CTNNA3: variants seen among roughly 807,000 people sequenced by gnomAD.
CTNNA3 encodes the protein catenin alpha-3.
CTNNA3 carries 76 observed loss-of-function variants against 95.7 expected under a neutral mutation model. That is an observed-to-expected ratio of 0.79 (90% CI 0.66 to 0.96). CTNNA3 has a LOEUF of 0.96. Among genes scored for constraint, CTNNA3 ranks in the 40% least tolerant of loss-of-function variants. The probability of loss-of-function intolerance (pLI) is 0.00; values close to 1 mark genes in which losing one functional copy is unlikely to be tolerated. For synonymous variants in CTNNA3, 431 were observed against 374.4 expected (o/e 1.15, Z -1.74); for missense variants, 1,191 against 1,089.8 (o/e 1.09, Z -1.31).
chr10:66,676,589 CCT>C (rs1846864615), intron 9 of CTNNA3, among the ~76,000 whole-genome samples: 1 of 152,000 alleles, frequency 6.6e-6, no homozygotes, highest in African/African-American at 2.4e-5. Flanking sequence ...TCATAGCCTG[CCT>C]CTCTCTCTTT....
intron 11 of CTNNA3, among the ~76,000 whole-genome samples, chr10:66,389,595 T>C (rs1172620585): frequency 6.6e-6 from 1 of 150,510 alleles, no homozygotes; most frequent in Non-Finnish European, 1.5e-5. Context: ...AGATACTTTG[T>C]TTGGTGCAAG....
chr10:67,653,399 T>G (rs1246719707), intron 1 of CTNNA3, among the ~76,000 whole-genome samples: 1 of 152,160 alleles, frequency 6.6e-6, no homozygotes, highest in East Asian at 1.9e-4. Context: ...CATATGTCCC[T>G]CTTCTCATCT....
chr10:67,343,282 T>A (rs1050542238), intron 5 of CTNNA3, among the ~76,000 whole-genome samples: 1 of 152,182 alleles, frequency 6.6e-6, no homozygotes, highest in Admixed American at 6.5e-5. Context: ...TTTTTCTATT[T>A]CTGTGAAGAA....
chr10:66,595,086 C>T (rs1221486455), intron 10 of CTNNA3, among the ~76,000 whole-genome samples: 1 of 151,922 alleles, frequency 6.6e-6, no homozygotes, highest in Non-Finnish European at 1.5e-5. Context: ...TAACAAACAC[C>T]CATGGTCAAA....
At chr10:67,508,911 T>C (rs1192527260) in intron 5 of CTNNA3, among the ~76,000 whole-genome samples, 2 of 152,006 alleles carry the variant, frequency 1.3e-5, no homozygotes, top group African/African-American at 2.4e-5. Context: ...AGTCTCGCTC[T>C]TGTACCCCAG....
At chr10:66,328,023 C>G (rs1342580500) in intron 12 of CTNNA3, among the ~76,000 whole-genome samples, 3 of 151,930 alleles carry the variant, frequency 2.0e-5, no homozygotes, top group Non-Finnish European at 4.4e-5. Context: ...TCTAACATCA[C>G]CATTCTTTTA....
intron 5 of CTNNA3, among the ~76,000 whole-genome samples, chr10:67,385,172 C>A (rs1410923013): frequency 1.3e-5 from 2 of 152,230 alleles, no homozygotes; most frequent in East Asian, 3.9e-4. Flanking sequence ...GTGAATGCTA[C>A]CAAAAAAGGG....
intron 7 of CTNNA3, among the ~76,000 whole-genome samples, chr10:67,078,774 C>G (rs773029049): frequency 1.3e-5 from 2 of 152,118 alleles, no homozygotes; most frequent in African/African-American, 2.4e-5. Flanking sequence ...CCTCGGCCCC[C>G]CAACGTGCTG....
intron 8 of CTNNA3, 112 bp from the exon 9 acceptor site, chr10:66,766,528 C>T: frequency 1.1e-6 from 1 of 896,662 alleles, no homozygotes; most frequent in Non-Finnish European, 1.6e-6. Flanking sequence ...TTGCACAATT[C>T]CTAAAATCAC....
At chr10:66,160,596 C>A (rs1161170733) in intron 13 of CTNNA3, among the ~76,000 whole-genome samples, 2 of 151,866 alleles carry the variant, frequency 1.3e-5, no homozygotes, top group African/African-American at 4.8e-5. Flanking sequence ...ATTTTATGGC[C>A]TATTATATGG....
chr10:66,558,707 A>C (rs1352781455), intron 10 of CTNNA3, among the ~76,000 whole-genome samples: 1 of 152,138 alleles, frequency 6.6e-6, no homozygotes, highest in Non-Finnish European at 1.5e-5. Flanking sequence ...AATATATGAC[A>C]AATTCATCAA....
chr10:66,582,312 AT>A (rs35404411), intron 10 of CTNNA3, among the ~76,000 whole-genome samples: 33,506 of 151,642 alleles, frequency 0.22, 4,713 homozygotes, highest in Middle Eastern at 0.42. Context: ...GTCATCTACA[AT>A]TTCTTTCAGC....
chr10:67,263,302 G>A (rs891288717), intron 5 of CTNNA3, among the ~76,000 whole-genome samples: 2 of 152,030 alleles, frequency 1.3e-5, no homozygotes, highest in African/African-American at 4.8e-5. Flanking sequence ...TTGTGATCTG[G>A]GATCTTTTTA....
chr10:67,060,925 T>C (rs188139966), intron 7 of CTNNA3, among the ~76,000 whole-genome samples: 143 of 152,286 alleles, frequency 9.4e-4, no homozygotes, highest in Non-Finnish European at 1.1e-3. Context: ...TAGCCTATCT[T>C]GACTGGTAGA....
At chr10:66,731,218 C>T (rs10509277) in intron 9 of CTNNA3, among the ~76,000 whole-genome samples, 27,137 of 152,150 alleles carry the variant, frequency 0.18, 3,059 homozygotes, top group Non-Finnish European at 0.25. Flanking sequence ...AAATTCACTA[C>T]TATTCAACAG....
intron 1 of CTNNA3, among the ~76,000 whole-genome samples, chr10:67,755,845 T>C (rs1197027287): frequency 8.3e-6 from 1 of 119,982 alleles, no homozygotes; most frequent in Non-Finnish European, 1.8e-5. Flanking sequence ...GAAAAGAAAA[T>C]CAATATGCCA....
intron 15 of CTNNA3, among the ~76,000 whole-genome samples, chr10:66,067,103 G>C (rs1391050474): frequency 6.6e-6 from 1 of 152,022 alleles, no homozygotes; most frequent in East Asian, 1.9e-4. Flanking sequence ...ATTTTCCCCT[G>C]AGGCTAGTCA....
At chr10:66,553,485 T>C (rs1842286941) in intron 10 of CTNNA3, among the ~76,000 whole-genome samples, 1 of 150,122 alleles carries the variant, frequency 6.7e-6, no homozygotes, top group Non-Finnish European at 1.5e-5. Flanking sequence ...ACATGAATTA[T>C]TCACCAAGAT....
chr10:66,072,971 A>AACAGATTCC (rs2080472631), intron 14 of CTNNA3, among the ~76,000 whole-genome samples: 1 of 152,168 alleles, frequency 6.6e-6, no homozygotes, highest in South Asian at 2.1e-4. Context: ...AAATCCTGTC[A>AACAGATTCC]TTTGTGACAA....
Sources: gnomAD v4.1 joint callset for allele counts (sites outside exome capture counted in the v4.1 genomes callset) on GRCh38, gnomAD v4.1.1 for gene constraint, MANE v1.5 for transcripts, NCBI Gene and HGNC (gene_info 2026-07-23, HGNC 2026-07-21) for gene names.